The following VPS13A variants were observed in gnomAD, a reference collection of about 807,000 sequenced individuals.
VPS13A encodes intermembrane lipid transfer protein VPS13A.
A neutral mutation model predicts 390.9 loss-of-function variants in VPS13A; 264 were observed. That is an observed-to-expected ratio of 0.68 (90% CI 0.61 to 0.75). The LOEUF is 0.75. Ranked by LOEUF, VPS13A falls within the 30% of genes least tolerant of loss-of-function variation. The probability of loss-of-function intolerance (pLI) is 0.00; values close to 1 mark genes in which losing one functional copy is unlikely to be tolerated. For synonymous variants in VPS13A, 1,231 were observed against 1,227.1 expected (o/e 1.00, Z -0.07); for missense variants, 3,409 against 3,733.9 (o/e 0.91, Z 2.27).
intron 19 of VPS13A, among the ~76,000 whole-genome samples, chr9:77,238,972 C>T (rs1824308912): frequency 6.6e-6 from 1 of 151,974 alleles, no homozygotes; most frequent in Non-Finnish European, 1.5e-5. Flanking sequence ...AAAAATGTTC[C>T]TCATATGCTG....
chr9:77,340,197 A>T lies in VPS13A; in HGVS notation c.6794A>T (p.Asp2265Val), dbSNP rs1450478861. 1 of 1,613,154 alleles carries T rather than the reference A, an allele frequency of 6.2e-7. No homozygotes were observed. Among genetic ancestry groups the T allele is most frequent in the Non-Finnish European group, 8.5e-7 (1 of 1,179,612 alleles). The stretch of plus-strand genomic sequence containing the variant: ...TCCTAGGTTCAACTTATGGTAACTG[A>T]TAGTGAGTTGTCCAATCAGTTTTCA... ...NNNKVQLMVT[D>V]SELSNQFSID... is the part of the protein sequence containing the mutation. Residue 2265 changes from aspartate to valine, a missense_variant, in exon 49 of 72, where the codon GAT becomes GTT. Transcript: ENST00000360280.
intron 69 of VPS13A, among the ~76,000 whole-genome samples, chr9:77,404,738 ATTCCCT>A (rs1367464324): frequency 1.3e-5 from 2 of 152,206 alleles, no homozygotes; most frequent in Admixed American, 6.5e-5. Flanking sequence ...TATACTTGAG[ATTCCCT>A]TTCCAAGTTT....
Position 77,403,214 on chromosome 9 carries a change from GTC to G in VPS13A, c.9190-17_9190-16del, listed in dbSNP as rs751434936. On this transcript the variant is annotated intron_variant, in intron 68 of 71. Transcript: ENST00000360280. ...AGGAAATACTATCAATTTTCTCATT[GTC>G]TCTCACTTTTTTCTTTTAGGTCATG... The G allele has an allele frequency of 3.2e-6, 5 of 1,565,902 alleles. No homozygotes were observed. Among genetic ancestry groups the G allele is most frequent in the African/African-American group, 2.7e-5 (2 of 73,946 alleles).
Position 77,417,572 on chromosome 9 carries a change from C to A in VPS13A, c.*1566C>A, listed in dbSNP as rs1433129180. ...AAAAAAAAAAAAGTGCTTATTTTCTCTGTCGCTAAGCTCCTCCAGTTTTGC... is the reference window on the plus strand; with the variant it reads ...AAAAAAAAAAAAGTGCTTATTTTCTATGTCGCTAAGCTCCTCCAGTTTTGC... On this transcript the variant is annotated 3_prime_UTR_variant, in exon 72 of 72. Coordinates refer to ENST00000360280, the MANE Select transcript of VPS13A (RefSeq NM_033305.3). 6.6e-6 allele frequency: 1 copy of A among 151,886 alleles called. No homozygotes were observed. The highest frequency in any genetic ancestry group is 1.9e-4 in the East Asian group (1 of 5,172). The allele number at this position is 151,886 out of a possible 1,614,324, so 9.4% of individuals were successfully genotyped here. A position where few individuals can be genotyped will look rare whatever the true frequency, so the allele number is the denominator to read the frequency against.
chr9:77,183,886 T>C lies in VPS13A; in HGVS notation c.100+6082T>C, dbSNP rs573599010. Among the ~76,000 whole-genome samples, 7 of 152,368 alleles carry C rather than the reference T, an allele frequency of 4.6e-5. No homozygotes were observed. The South Asian group carries it at 1.4e-3, about 32-fold the overall frequency. ...AAACTGGCATATCCATATAATGGAATACCATTAATATTTAACCACACATGT... is the reference window on the plus strand; with the variant it reads ...AAACTGGCATATCCATATAATGGAACACCATTAATATTTAACCACACATGT... On this transcript the variant is annotated intron_variant, in intron 1 of 71. Transcript: ENST00000360280.
chr9:77,384,012 T>G (rs1298148193), intron 68 of VPS13A, among the ~76,000 whole-genome samples: 1 of 151,088 alleles, frequency 6.6e-6, no homozygotes, highest in Non-Finnish European at 1.5e-5. Context: ...AGCAAACACT[T>G]AAAAAATATG....
chr9:77,378,452 T>A (rs1168717948), intron 67 of VPS13A, among the ~76,000 whole-genome samples: 1 of 152,162 alleles, frequency 6.6e-6, no homozygotes, highest in Non-Finnish European at 1.5e-5. Flanking sequence ...AGTAAATATT[T>A]ACTAGTATTC....
At chr9:77,314,255 T>C (rs1829252562) in intron 36 of VPS13A, 136 bp downstream of exon 36, 1 of 981,904 alleles carries the variant, frequency 1.0e-6, no homozygotes, top group Non-Finnish European at 1.5e-6. Flanking sequence ...TCTTTTTACT[T>C]TAATAATAAT....
At chr9:77,194,987 C>T (rs771144564) in intron 1 of VPS13A, among the ~76,000 whole-genome samples, 1 of 152,076 alleles carries the variant, frequency 6.6e-6, no homozygotes, top group East Asian at 1.9e-4. Context: ...GTCCAATTCA[C>T]CTATTTTTTT....
intron 71 of VPS13A, among the ~76,000 whole-genome samples, chr9:77,411,347 A>G (rs1834911241): frequency 6.6e-6 from 1 of 152,096 alleles, no homozygotes; most frequent in Non-Finnish European, 1.5e-5. Flanking sequence ...GAAAAATCTA[A>G]AATTGACACC....
At position 77,226,153 on chromosome 9, in the gene VPS13A, T is replaced by TA. The variant is rs201330035; in HGVS notation, c.1224+165_1224+166insA. Among the ~76,000 whole-genome samples, 2,154 of 152,278 alleles carry TA rather than the reference T, an allele frequency of 0.014. 48 individuals carry two copies. Among genetic ancestry groups the TA allele is most frequent in the African/African-American group, 0.049 (2,037 of 41,570 alleles). On this transcript the variant is annotated intron_variant, in intron 14 of 71. Coordinates refer to ENST00000360280, the MANE Select transcript of VPS13A (RefSeq NM_033305.3). ...ATTTAATATTTTTTGGCACATCCAT[T>TA]TAAATCAGACAGATTTCTATGGGAA...
At chr9:77,339,495 T>C (rs76952011) in intron 47 of VPS13A, 21 bp from the exon 48 acceptor site, 2 of 773,280 alleles carry the variant, frequency 2.6e-6, no homozygotes, top group Non-Finnish European at 1.8e-6. Flanking sequence ...TTTTGTTTTG[T>C]TTTTTTTTTT....
chr9:77,306,414 T>TTG (rs60382346), intron 34 of VPS13A, among the ~76,000 whole-genome samples: 20,317 of 140,684 alleles, frequency 0.14, 1,556 homozygotes, highest in African/African-American at 0.21. Flanking sequence ...GTGTGTGTGT[T>TTG]TGTGTGTGTG....
chr9:77,177,846 C>T (rs1046124188), intron 1 of VPS13A, 42 bp downstream of exon 1: 1 of 1,565,786 alleles, frequency 6.4e-7, no homozygotes, highest in Non-Finnish European at 8.7e-7. Flanking sequence ...TCTCGTGCTT[C>T]CCGGCCGTCT....
At chr9:77,305,401 A>G (rs1013757862) in intron 34 of VPS13A, among the ~76,000 whole-genome samples, 1 of 152,230 alleles carries the variant, frequency 6.6e-6, no homozygotes, top group African/African-American at 2.4e-5. Context: ...TATTGGTAAG[A>G]TAACAGATAG....
intron 19 of VPS13A, among the ~76,000 whole-genome samples, chr9:77,242,821 CAT>C (rs1325915921): frequency 1.3e-5 from 2 of 151,908 alleles, no homozygotes; most frequent in East Asian, 1.9e-4. Flanking sequence ...ATAAAGTTCA[CAT>C]GTTACAGAAA....
intron 68 of VPS13A, chr9:77,385,155 A>G: frequency 1.1e-6 from 1 of 940,702 alleles, no homozygotes; most frequent in Non-Finnish European, 1.3e-6. Context: ...ATTTTTGTCA[A>G]ATTTCTTTTA....
intron 67 of VPS13A, among the ~76,000 whole-genome samples, chr9:77,371,741 T>G (rs1832767047): frequency 1.3e-5 from 2 of 150,662 alleles, no homozygotes; most frequent in African/African-American, 4.9e-5. Flanking sequence ...TGTGCCATGC[T>G]GGTGCGCTGC....
At chr9:77,203,618 G>T (rs546919448) in intron 3 of VPS13A, among the ~76,000 whole-genome samples, 1 of 152,254 alleles carries the variant, frequency 6.6e-6, no homozygotes, top group East Asian at 1.9e-4. Context: ...AACATTTGTG[G>T]TGAAAATGGC....
Sources: allele counts gnomAD v4.1 joint callset (sites outside exome capture counted in the v4.1 genomes callset), GRCh38; gene constraint gnomAD v4.1.1; transcripts MANE v1.5; gene names NCBI Gene and HGNC (gene_info 2026-07-23, HGNC 2026-07-21).